Variants in GRIK1 observed in about 807,000 individuals in gnomAD.
The protein encoded by GRIK1 is glutamate receptor ionotropic, kainate 1.
In GRIK1, 69 loss-of-function variants were observed where a neutral mutation model predicts 105.7. The observed-to-expected ratio is 0.65, with a 90% CI of 0.54 to 0.80. The LOEUF (loss-of-function observed/expected upper bound fraction) is 0.80. GRIK1 is among the 30% of genes least tolerant of loss of function. GRIK1 has a pLI of 0.00. For synonymous variants in GRIK1, 438 were observed against 431.3 expected (o/e 1.02, Z -0.19); for missense variants, 1,109 against 1,167.3 (o/e 0.95, Z 0.73).
intron 14 of GRIK1, among the ~76,000 whole-genome samples, chr21:29,566,167 G>T (rs1302539930): frequency 6.6e-6 from 1 of 152,114 alleles, no homozygotes; most frequent in African/African-American, 2.4e-5. Context: ...TAAAATGACA[G>T]CCTGGGTGTT....
chr21:29,538,018 C>T (rs948257552), intron 16 of GRIK1, 134 bp from the exon 17 acceptor site: 6 of 608,118 alleles, frequency 9.9e-6, no homozygotes, highest in East Asian at 2.8e-5. Flanking sequence ...ACAGCAAAAA[C>T]GATGGCATAA....
chr21:29,547,106 C>CT (rs1421054704), intron 16 of GRIK1, among the ~76,000 whole-genome samples: 1 of 152,154 alleles, frequency 6.6e-6, no homozygotes, highest in Non-Finnish European at 1.5e-5. Context: ...GTACGTATCT[C>CT]TTTTTTGTCT....
intron 1 of GRIK1, among the ~76,000 whole-genome samples, chr21:29,853,645 A>G (rs1451699117): frequency 6.6e-6 from 1 of 152,238 alleles, no homozygotes; most frequent in Admixed American, 6.5e-5. Context: ...CATATGACTC[A>G]TGGGAATGTC....
intron 14 of GRIK1, among the ~76,000 whole-genome samples, chr21:29,565,543 C>T (rs573901231): frequency 3.3e-5 from 5 of 152,298 alleles, no homozygotes; most frequent in Middle Eastern, 3.4e-3. Flanking sequence ...AATGATTCTC[C>T]GGCCTCAGCC....
rs1055870287 is a variant in GRIK1, at chr21:29,843,421, G to A, written c.118+95962C>T. On this transcript the variant is annotated intron_variant, in intron 1 of 17. Coordinates refer to ENST00000327783, the MANE Select transcript of GRIK1 (RefSeq NM_001330994.2). ...GTAGAGCTAACATCTGATCTACAAC[G>A]AAGAGCAAATGGATGTTTTGAGATA... Among the ~76,000 whole-genome samples, 9 of 152,148 alleles carry A rather than the reference G, an allele frequency of 5.9e-5. 1 individual carries two copies. Among genetic ancestry groups the A allele is most frequent in the African/African-American group, 9.7e-5 (4 of 41,448 alleles).
intron 1 of GRIK1, among the ~76,000 whole-genome samples, chr21:29,865,847 A>G (rs912659156): frequency 4.6e-5 from 7 of 152,174 alleles, no homozygotes; most frequent in African/African-American, 9.7e-5. Context: ...TGACCCCCAA[A>G]TGTGCAAATA....
At chr21:29,576,885 C>CTTT in intron 14 of GRIK1, 79 bp downstream of exon 14, 2 of 714,900 alleles carry the variant, frequency 2.8e-6, no homozygotes, top group Admixed American at 2.7e-5. Flanking sequence ...TTTTCTTTTT[C>CTTT]TTTTTTTTTT....
intron 1 of GRIK1, among the ~76,000 whole-genome samples, chr21:29,824,333 C>T (rs73186477): frequency 0.21 from 31,344 of 151,806 alleles, 4,235 homozygotes; most frequent in East Asian, 0.62. Context: ...CCCACACCTC[C>T]GGCACTGTTT....
chr21:29,611,471 A>T (rs1314890081), intron 7 of GRIK1, among the ~76,000 whole-genome samples: 1 of 152,176 alleles, frequency 6.6e-6, no homozygotes, highest in East Asian at 1.9e-4. Context: ...AGTTAAGTGT[A>T]TTTTTGGCAC....
chr21:29,774,197 C>T (rs2065884588), intron 1 of GRIK1, among the ~76,000 whole-genome samples: 1 of 152,166 alleles, frequency 6.6e-6, no homozygotes, highest in South Asian at 2.1e-4. Flanking sequence ...CTCGGTTCAT[C>T]AACAGAAAGC....
At chr21:29,836,514 T>A (rs754648070) in intron 1 of GRIK1, among the ~76,000 whole-genome samples, 24 of 152,178 alleles carry the variant, frequency 1.6e-4, no homozygotes, top group Non-Finnish European at 3.2e-4. Context: ...GTAAAACATA[T>A]ACTAAATAAA....
At chr21:29,756,548 C>A (rs2065346865) in intron 1 of GRIK1, among the ~76,000 whole-genome samples, 1 of 152,076 alleles carries the variant, frequency 6.6e-6, no homozygotes, top group Non-Finnish European at 1.5e-5. Context: ...GTAGAAATTT[C>A]TCAGGTTCAC....
In GRIK1 at chr21:29,596,566, G is replaced by T; in HGVS notation, c.1211C>A (p.Ala404Asp). 6.2e-7 allele frequency: 1 copy of T among 1,607,460 alleles called. No homozygotes were observed. The highest frequency in any genetic ancestry group is 1.3e-5 in the African/African-American group (1 of 74,888). Reference sequence around the variant, plus strand: ...ATACAAGTGTTTAGACACTTCGCCAGCAGCCTTGGTTTTCAGAGAGAAAAA... The same window carrying T: ...ATACAAGTGTTTAGACACTTCGCCATCAGCCTTGGTTTTCAGAGAGAAAAA... ...SLKEEGTEKA[A>D]GEVSKHLYKV... The change falls in exon 9 of 18, where the codon GCT becomes GAT. Residue 404 changes from alanine to aspartate, a missense_variant. By Grantham distance (126) the Ala-to-Asp change is moderately radical. Coordinates refer to ENST00000327783, the MANE Select transcript of GRIK1 (RefSeq NM_001330994.2).
chr21:29,913,609 GGTGA>G (rs1195793688), intron 1 of GRIK1, among the ~76,000 whole-genome samples: 3 of 150,248 alleles, frequency 2.0e-5, no homozygotes, highest in Middle Eastern at 3.4e-3. Flanking sequence ...GTGTAGAAAA[GGTGA>G]GATATATAGA....
At chr21:29,818,117 G>T (rs1366912834) in intron 1 of GRIK1, among the ~76,000 whole-genome samples, 1 of 151,980 alleles carries the variant, frequency 6.6e-6, no homozygotes, top group Admixed American at 6.6e-5. Context: ...GGAAATTTAG[G>T]GAAAACCCTA....
At chr21:29,574,447 T>C (rs1024265999) in intron 14 of GRIK1, among the ~76,000 whole-genome samples, 3 of 152,200 alleles carry the variant, frequency 2.0e-5, no homozygotes, top group African/African-American at 7.2e-5. Flanking sequence ...TATACCAAAT[T>C]CTATCTTGCC....
intron 7 of GRIK1, among the ~76,000 whole-genome samples, chr21:29,625,173 G>A (rs748275819): frequency 2.6e-5 from 4 of 152,104 alleles, no homozygotes; most frequent in African/African-American, 9.7e-5. Context: ...TATACCTCAC[G>A]CCATTGGTTA....
intron 1 of GRIK1, among the ~76,000 whole-genome samples, chr21:29,821,919 A>T (rs464982): frequency 6.6e-6 from 1 of 151,834 alleles, no homozygotes; most frequent in Non-Finnish European, 1.5e-5. Context: ...ATTCTTCTGT[A>T]AGCTTTTCCA....
chr21:29,641,779 C>T (rs745544173), intron 7 of GRIK1, among the ~76,000 whole-genome samples: 1 of 152,172 alleles, frequency 6.6e-6, no homozygotes, highest in Non-Finnish European at 1.5e-5. Flanking sequence ...TACATCCCGC[C>T]TGCTTTATCC....
Sources: gnomAD v4.1 joint callset for allele counts (sites outside exome capture counted in the v4.1 genomes callset) on GRCh38, gnomAD v4.1.1 for gene constraint, MANE v1.5 for transcripts, NCBI Gene and HGNC (gene_info 2026-07-23, HGNC 2026-07-21) for gene names.